Variants in PTGR2 observed in about 807,000 individuals in gnomAD.
The protein encoded by PTGR2 is 15-oxoprostaglandin 13-reductase.
PTGR2 carries 32 observed loss-of-function variants against 43.4 expected under a neutral mutation model. The observed-to-expected ratio is 0.74, with a 90% CI of 0.56 to 0.99. The LOEUF (loss-of-function observed/expected upper bound fraction) is 0.99, where lower values mean the gene tolerates loss of function less well. Ranked by LOEUF, PTGR2 falls within the 50% of genes least tolerant of loss-of-function variation. The pLI is 0.00. For synonymous variants in PTGR2, 106 were observed against 139.2 expected, an observed-to-expected ratio of 0.76 and a Z score of 1.68; for missense variants, 373 against 420.0, an observed-to-expected ratio of 0.89 and a Z score of 0.98.
intron 8 of PTGR2, among the ~76,000 whole-genome samples, chr14:73,882,190 T>C (rs1203517249): frequency 6.6e-6 from 1 of 152,218 alleles, no homozygotes; most frequent in Non-Finnish European, 1.5e-5. Context: ...GATCTGTTAC[T>C]AATTGAAGAG....
At chr14:73,864,540 A>C (rs1263272587) in intron 3 of PTGR2, among the ~76,000 whole-genome samples, 12 of 152,276 alleles carry the variant, frequency 7.9e-5, no homozygotes, top group Non-Finnish European at 1.0e-4. Context: ...CCTTATGGCT[A>C]ATAATGTTGA....
At chr14:73,879,899 A>G in intron 6 of PTGR2, 156 bp from the exon 7 acceptor site, 1 of 601,582 alleles carries the variant, frequency 1.7e-6, no homozygotes, top group Non-Finnish European at 2.9e-6. Context: ...ATTTCTAGCT[A>G]GTTAAAATTC....
At chr14:73,871,341 CT>C (rs869073652) in intron 3 of PTGR2, among the ~76,000 whole-genome samples, 1,747 of 67,806 alleles carry the variant, frequency 0.026, 14 homozygotes, top group African/African-American at 0.068. Context: ...GGCTGTTCAT[CT>C]TTTTTTTTTT....
Position 73,881,248 on chromosome 14 carries a change from G to A in PTGR2, c.895G>A (p.Gly299Ser). The A allele has an allele frequency of 1.2e-6, 2 of 1,610,768 alleles. No homozygotes were observed. Among genetic ancestry groups the A allele is most frequent in the East Asian group, 2.2e-5 (1 of 44,812 alleles). ...VLNYKDKFEP[G>S]ILQLSQWFKE... ...AAATTATAAAGACAAATTTGAGCCT[G>A]GCATTCTACAGCTGAGTCAGTGGTT... The change falls in exon 8 of 10, where the codon GGC (glycine) becomes AGC (serine). Residue 299 changes from glycine (G) to serine (S), a missense_variant. By Grantham distance (56) the Gly-to-Ser change is moderately conservative (BLOSUM62 0). Coordinates refer to ENST00000555661, the MANE Select transcript of PTGR2 (RefSeq NM_001146154.2).
At chr14:73,852,870 G>T (rs778738610) in intron 1 of PTGR2, among the ~76,000 whole-genome samples, 1 of 152,166 alleles carries the variant, frequency 6.6e-6, no homozygotes, top group Non-Finnish European at 1.5e-5. Context: ...CTGTTGCCCA[G>T]GCTGGAGTGT....
chr14:73,858,990 A>C (rs774025429), intron 2 of PTGR2, 91 bp downstream of exon 2: 1 of 1,001,380 alleles, frequency 1.0e-6, no homozygotes. Context: ...TCATGTGGTA[A>C]ATTAAGGTAG....
At chr14:73,871,937 G>A (rs2054744533) in intron 3 of PTGR2, among the ~76,000 whole-genome samples, 1 of 152,092 alleles carries the variant, frequency 6.6e-6, no homozygotes. Flanking sequence ...TGGCACACAA[G>A]CAGAAGCAAA....
rs779090255 is a variant in PTGR2 at position 73,882,438 on chromosome 14, G to C, written c.979G>C (p.Ala327Pro). ...TVINGLENMG[A>P]AFQSMMTGGN... is the part of the protein sequence containing the mutation. ...AATAAATGGGTTGGAAAACATGGGA[G>C]GTAAGATGAATGTAGACTTATTATA... Residue 327 changes from alanine (A) to proline (P), a missense_variant and splice_region_variant, in exon 9 of 10, where the codon GCT becomes CCT. Coordinates refer to ENST00000555661, the MANE Select transcript of PTGR2 (RefSeq NM_001146154.2). 2 of 1,560,252 alleles carry C rather than the reference G, an allele frequency of 1.3e-6. No homozygotes were observed. Among genetic ancestry groups the C allele is most frequent in the Non-Finnish European group, 1.8e-6 (2 of 1,132,316 alleles).
intron 8 of PTGR2, among the ~76,000 whole-genome samples, chr14:73,881,595 G>A (rs2054988883): frequency 6.6e-6 from 1 of 151,838 alleles, no homozygotes; most frequent in African/African-American, 2.4e-5. Context: ...AAATATTTAT[G>A]GGATGCTACT....
At position 73,858,877 on chromosome 14, in the gene PTGR2, A is replaced by T; in HGVS notation, c.15A>T (p.Arg5Ser). Residue 5 changes from arginine to serine, a missense_variant, in exon 2 of 10, where the codon AGA (arginine) becomes AGT (serine). Physicochemically the swap from Arg to Ser is moderately radical, Grantham distance 110. Transcript: ENST00000555661. ...CAACCAGAGCAATGATTGTTCAAAG[A>T]GTGGTATTGAATTCTCGACCTGGTA... MIVQRVVLNSRPGKN... is the reference protein window; with the variant it reads MIVQSVVLNSRPGKN... The T allele has an allele frequency of 6.2e-7, 1 of 1,611,926 alleles. No homozygotes were observed. The highest frequency in any genetic ancestry group is 8.5e-7 in the Non-Finnish European group (1 of 1,178,622).
intron 1 of PTGR2, among the ~76,000 whole-genome samples, chr14:73,853,821 T>C (rs1315878566): frequency 6.6e-6 from 1 of 152,208 alleles, no homozygotes; most frequent in African/African-American, 2.4e-5. Context: ...AGAAGTACTC[T>C]GTTCTTCCTA....
intron 9 of PTGR2, 99 bp downstream of exon 9, chr14:73,882,537 G>A: frequency 1.2e-6 from 1 of 843,710 alleles, no homozygotes; most frequent in East Asian, 2.6e-5. Flanking sequence ...GTCTTGCTCT[G>A]TTGCCCAGGC....
Position 73,881,772 on chromosome 14 carries a change from C to CTTTTTT in PTGR2, c.939+504_939+509dup, listed in dbSNP as rs57377878. ...TTCAGACATACTGGCCTAGGCTATT[C>CTTTTTT]TTTTTTTTTTTTTTTTTTTTTTTTT... On this transcript the variant is annotated intron_variant, in intron 8 of 9. Coordinates refer to ENST00000555661, the MANE Select transcript of PTGR2 (RefSeq NM_001146154.2). 3.8e-4 allele frequency among the ~76,000 whole-genome samples: 26 copies of CTTTTTT among 69,262 alleles called. 1 individual carries two copies. The highest frequency in any genetic ancestry group is 0.016 in the Middle Eastern group (1 of 64). The allele number at this position is 69,262 out of a possible 152,430, so 45.4% of individuals were successfully genotyped here.
intron 3 of PTGR2, among the ~76,000 whole-genome samples, chr14:73,871,669 T>C (rs911403553): frequency 4.6e-5 from 7 of 152,114 alleles, no homozygotes; most frequent in African/African-American, 1.2e-4. Flanking sequence ...TCCAGGTAGA[T>C]AGTGTCACAG....
intron 3 of PTGR2, among the ~76,000 whole-genome samples, chr14:73,871,341 C>CTTTTTTTTTTTTTTTTTTTTTTTTTTT (rs869073652): frequency 2.9e-3 from 199 of 67,810 alleles, no homozygotes; most frequent in Middle Eastern, 0.011. Flanking sequence ...GGCTGTTCAT[C>CTTTTTTTTTTTTTTTTTTTTTTTTTTT]TTTTTTTTTT....
intron 3 of PTGR2, among the ~76,000 whole-genome samples, chr14:73,871,800 G>T (rs992366812): frequency 3.4e-4 from 52 of 152,088 alleles, no homozygotes; most frequent in African/African-American, 1.2e-3. Context: ...AGTGAAAGGA[G>T]GAAAAAGTAG....
chr14:73,852,418 A>AT (rs1356504477), intron 1 of PTGR2, among the ~76,000 whole-genome samples: 5 of 151,632 alleles, frequency 3.3e-5, no homozygotes, highest in African/African-American at 9.7e-5. Flanking sequence ...CGCCCGGATA[A>AT]TTTTTTGTAT....
rs62003710 is a variant in PTGR2, at chr14:73,885,708, G to A, written c.*1531G>A. On this transcript the variant is annotated 3_prime_UTR_variant, in exon 10 of 10. Coordinates refer to ENST00000555661, the MANE Select transcript of PTGR2 (RefSeq NM_001146154.2). ...TTGAGCACTGGACCTTTACCTCCAA[G>A]TAAATATCCTCAACTCTGGATTGCA... 1,813 of 152,122 alleles carry A rather than the reference G, an allele frequency of 0.012. 19 individuals are homozygous for A. Among genetic ancestry groups the A allele is most frequent in the Non-Finnish European group, 0.021 (1,414 of 68,046 alleles). 9.4% of individuals were successfully genotyped at this position (152,122 alleles called of 1,614,324 possible).
chr14:73,861,978 A>G lies in PTGR2; in HGVS notation c.156+1321A>G, dbSNP rs370893715. On this transcript the variant is annotated intron_variant, in intron 3 of 9. Coordinates refer to ENST00000555661, the MANE Select transcript of PTGR2 (RefSeq NM_001146154.2). ...CTGCAACCTCTGCCTCCTGGGTTCA[A>G]GTGATTCTCCTGGCTCAGCTTCCCG... Among the ~76,000 whole-genome samples, 18 of 149,530 alleles carry G rather than the reference A, an allele frequency of 1.2e-4. No individual in the cohort carries two copies. The South Asian group carries it at 3.8e-3, about 32-fold the overall frequency.
Sources: gnomAD v4.1 joint callset for allele counts (sites outside exome capture counted in the v4.1 genomes callset) on GRCh38, gnomAD v4.1.1 for gene constraint, MANE v1.5 for transcripts, NCBI Gene and HGNC (gene_info 2026-07-23, HGNC 2026-07-21) for gene names.